Variants in ARHGEF33 observed in about 807,000 individuals in gnomAD.
ARHGEF33 encodes the protein DH and coiled-coil domain-containing protein ENSP00000381780.
ARHGEF33 carries 72 observed loss-of-function variants against 101.9 expected under a neutral mutation model. That is an observed-to-expected ratio of 0.71 (90% CI 0.58 to 0.86). ARHGEF33 has a LOEUF of 0.86. Among genes scored for constraint, ARHGEF33 ranks in the 40% least tolerant of loss-of-function variants. The pLI is 0.00. For synonymous variants in ARHGEF33, 499 were observed against 442.5 expected (o/e 1.13, Z -1.60); for missense variants, 1,169 against 1,111.3 (o/e 1.05, Z -0.74).
intron 2 of ARHGEF33, among the ~76,000 whole-genome samples, chr2:38,905,352 C>T (rs1666366012): frequency 6.6e-6 from 1 of 152,164 alleles, no homozygotes. Context: ...AGAACAGTTA[C>T]AGAAGGCTTT....
Position 38,960,503 on chromosome 2 carries a change from G to C in ARHGEF33, c.2198G>C (p.Gly733Ala), listed in dbSNP as rs1382612986. ...CTCTACAGCACGCGCAGCAGCAGCGGCGGCCGCGCGCCCATCAAGGCCGAG... is the reference window on the plus strand; with the variant it reads ...CTCTACAGCACGCGCAGCAGCAGCGCCGGCCGCGCGCCCATCAAGGCCGAG... ...PRLYSTRSSSGGRAPIKAERA... is the reference protein window; with the variant it reads ...PRLYSTRSSSAGRAPIKAERA... The change falls in exon 16 of 18, where the codon GGC (glycine) becomes GCC (alanine). Residue 733 changes from glycine (G) to alanine (A), a missense_variant. Coordinates refer to ENST00000409978, the MANE Select transcript of ARHGEF33 (RefSeq NM_001145451.5). 1 of 1,348,948 alleles carries C rather than the reference G, an allele frequency of 7.4e-7. No homozygotes were observed. The highest frequency in any genetic ancestry group is 9.5e-7 in the Non-Finnish European group (1 of 1,050,212). 83.6% of individuals were successfully genotyped at this position (1,348,948 alleles called of 1,614,324 possible). A position where few individuals can be genotyped will look rare whatever the true frequency, so the allele number is the denominator to read the frequency against.
chr2:38,903,676 CA>C (rs1666300351), intron 2 of ARHGEF33, among the ~76,000 whole-genome samples: 1 of 152,154 alleles, frequency 6.6e-6, no homozygotes, highest in South Asian at 2.1e-4. Flanking sequence ...ATATATATAA[CA>C]AGGACTAAGC....
chr2:38,913,292 A>G (rs1345621127), intron 2 of ARHGEF33, among the ~76,000 whole-genome samples: 1 of 152,202 alleles, frequency 6.6e-6, no homozygotes, highest in Non-Finnish European at 1.5e-5. Context: ...AGAAATTGAA[A>G]AGGCCTTGAA....
intron 2 of ARHGEF33, among the ~76,000 whole-genome samples, chr2:38,916,645 T>G (rs1223019800): frequency 6.6e-6 from 1 of 152,228 alleles, no homozygotes; most frequent in Admixed American, 6.5e-5. Flanking sequence ...TTTCTTTATA[T>G]TCCTCATTTA....
chr2:38,940,643 C>A (rs1239932511), intron 9 of ARHGEF33, among the ~76,000 whole-genome samples: 1 of 152,132 alleles, frequency 6.6e-6, no homozygotes, highest in Non-Finnish European at 1.5e-5. Flanking sequence ...AACACATCAT[C>A]CAGTAGTTTC....
At position 38,917,686 on chromosome 2, in the gene ARHGEF33, A is replaced by C. The variant is rs192271923; in HGVS notation, c.-85-1677A>C. On this transcript the variant is annotated intron_variant, in intron 2 of 17. Transcript: ENST00000409978. ...CTCTACAAAAATAAAAAAATTAGCC[A>C]GGCATAGTGGCATCCACCTGTAGTC... 2.6e-3 allele frequency among the ~76,000 whole-genome samples: 401 copies of C among 151,948 alleles called. 1 individual carries two copies. Among genetic ancestry groups the C allele is most frequent in the Non-Finnish European group, 3.8e-3 (255 of 67,902 alleles).
chr2:38,960,526 G>A lies in ARHGEF33; in HGVS notation c.2221G>A (p.Glu741Lys). The A allele has an allele frequency of 4.7e-6, 6 of 1,266,438 alleles. No homozygotes were observed. Among genetic ancestry groups the A allele is most frequent in the Non-Finnish European group, 6.0e-6 (6 of 1,005,486 alleles). The allele number at this position is 1,266,438 out of a possible 1,614,324, so 78.5% of individuals were successfully genotyped here. ...CGGCGGCCGCGCGCCCATCAAGGCCGAGCGCGCCGCGCAGGCGCACGGCCC... is the reference window on the plus strand; with the variant it reads ...CGGCGGCCGCGCGCCCATCAAGGCCAAGCGCGCCGCGCAGGCGCACGGCCC... ...SSGGRAPIKA[E>K]RAAQAHGPAA... The change falls in exon 16 of 18, where the codon GAG becomes AAG. Residue 741 changes from glutamate to lysine, a missense_variant. Glu to Lys is a moderately conservative substitution (Grantham distance 56). Transcript: ENST00000409978.
chr2:38,917,317 C>T (rs1205789770), intron 2 of ARHGEF33, among the ~76,000 whole-genome samples: 1 of 151,982 alleles, frequency 6.6e-6, no homozygotes, highest in Non-Finnish European at 1.5e-5. Context: ...ATCTCGAACT[C>T]CTGACCTCAA....
chr2:38,921,281 G>C, intron 3 of ARHGEF33, 93 bp from the exon 4 acceptor site: 5 of 791,618 alleles, frequency 6.3e-6, no homozygotes, highest in Non-Finnish European at 8.6e-6. Context: ...ACAAATGTAG[G>C]ATCCTGTAAG....
intron 2 of ARHGEF33, among the ~76,000 whole-genome samples, chr2:38,911,069 G>A (rs1666498740): frequency 6.6e-6 from 1 of 152,146 alleles, no homozygotes; most frequent in South Asian, 2.1e-4. Context: ...TAACATACAT[G>A]AGAGTGCTTT....
At chr2:38,895,296 T>C (rs1666095507) in intron 1 of ARHGEF33, among the ~76,000 whole-genome samples, 3 of 152,238 alleles carry the variant, frequency 2.0e-5, no homozygotes, top group African/African-American at 7.2e-5. Flanking sequence ...ATTTTGAGTA[T>C]AGATCACTTC....
intron 9 of ARHGEF33, among the ~76,000 whole-genome samples, chr2:38,941,103 T>C (rs888422883): frequency 6.6e-6 from 1 of 152,238 alleles, no homozygotes; most frequent in African/African-American, 2.4e-5. Context: ...TGATTATCAT[T>C]TAACTATGCC....
intron 17 of ARHGEF33, among the ~76,000 whole-genome samples, 174 bp downstream of exon 17, chr2:38,966,319 T>G (rs1668051448): frequency 6.6e-6 from 1 of 152,188 alleles, no homozygotes; most frequent in African/African-American, 2.4e-5. Flanking sequence ...CATTGTAATA[T>G]CCCAGAGTAG....
intron 12 of ARHGEF33, among the ~76,000 whole-genome samples, chr2:38,953,824 C>T (rs529176447): frequency 5.9e-5 from 9 of 152,334 alleles, no homozygotes; most frequent in Admixed American, 5.2e-4. Flanking sequence ...CTTCAACCCC[C>T]CACTACTCCC....
chr2:38,908,358 T>C (rs189074489), intron 2 of ARHGEF33, among the ~76,000 whole-genome samples: 1 of 152,224 alleles, frequency 6.6e-6, no homozygotes, highest in Non-Finnish European at 1.5e-5. Flanking sequence ...AGTATTAAAA[T>C]GAGTCAGAAG....
intron 15 of ARHGEF33, 166 bp from the exon 16 acceptor site, chr2:38,959,675 C>T (rs1309284183): frequency 2.8e-6 from 2 of 721,568 alleles, no homozygotes; most frequent in Non-Finnish European, 4.5e-6. Context: ...CCACTCTCCG[C>T]CTGGGAACGG....
intron 16 of ARHGEF33, among the ~76,000 whole-genome samples, chr2:38,965,257 A>G (rs959740444): frequency 6.6e-6 from 1 of 152,232 alleles, no homozygotes; most frequent in Non-Finnish European, 1.5e-5. Context: ...CGTATGGAAT[A>G]TAAACATGTA....
rs146562058 is a variant in ARHGEF33, at chr2:38,895,202, A to G, written c.-158-575A>G. The stretch of plus-strand genomic sequence containing the variant: ...CAGGTCAGGAAACCGAAGTCCAGGA[A>G]GATTCAGTGAATTGGCCAAACTGCC... On this transcript the variant is annotated intron_variant, in intron 1 of 17. Transcript: ENST00000409978. Among the ~76,000 whole-genome samples, 982 of 152,332 alleles carry G rather than the reference A, an allele frequency of 6.4e-3. 14 individuals are homozygous for G. The highest frequency in any genetic ancestry group is 0.022 in the African/African-American group (906 of 41,570).
intron 4 of ARHGEF33, among the ~76,000 whole-genome samples, chr2:38,922,396 G>A (rs1666778545): frequency 6.6e-6 from 1 of 152,130 alleles, no homozygotes; most frequent in African/African-American, 2.4e-5. Flanking sequence ...TAGGGGAAAC[G>A]TTATTTAGAT....
Sources: allele counts gnomAD v4.1 joint callset (sites outside exome capture counted in the v4.1 genomes callset), GRCh38; gene constraint gnomAD v4.1.1; transcripts MANE v1.5; gene names NCBI Gene and HGNC (gene_info 2026-07-23, HGNC 2026-07-21).